The following RBFOX2 variants were observed in gnomAD, a reference collection of about 807,000 sequenced individuals.
The protein encoded by RBFOX2 is RNA binding fox-1 homolog 2.
A neutral mutation model predicts 49.1 loss-of-function variants in RBFOX2; 10 were observed. The observed-to-expected ratio is 0.20, with a 90% confidence interval of 0.13 to 0.35. The LOEUF (loss-of-function observed/expected upper bound fraction) is 0.35. Among genes scored for constraint, RBFOX2 ranks in the 10% least tolerant of loss-of-function variants. The pLI is 1.00. For missense variants in RBFOX2, 323 were observed against 486.9 expected (o/e 0.66, Z 3.17); for synonymous variants, 183 against 187.4 (o/e 0.98, Z 0.19).
At chr22:35,881,156 C>G (rs1036981699) in intron 1 of RBFOX2, among the ~76,000 whole-genome samples, 7 of 152,106 alleles carry the variant, frequency 4.6e-5, no homozygotes, top group African/African-American at 1.7e-4. Context: ...TCCAGCCACT[C>G]TGGAGGCTGA....
At chr22:35,801,887 T>C (rs1285107878) in intron 2 of RBFOX2, among the ~76,000 whole-genome samples, 2 of 152,248 alleles carry the variant, frequency 1.3e-5, no homozygotes, top group Middle Eastern at 3.4e-3. Flanking sequence ...AACCAGAGCA[T>C]CCTAAAAATT....
At chr22:35,794,494 T>C (rs1027456566) in intron 2 of RBFOX2, among the ~76,000 whole-genome samples, 1 of 151,962 alleles carries the variant, frequency 6.6e-6, no homozygotes, top group Non-Finnish European at 1.5e-5. Context: ...CAGTCTCTAC[T>C]AAAAATACAA....
At chr22:35,784,668 T>C (rs1035684617) in intron 2 of RBFOX2, among the ~76,000 whole-genome samples, 1 of 152,204 alleles carries the variant, frequency 6.6e-6, no homozygotes, top group African/African-American at 2.4e-5. Flanking sequence ...TCATCCTCCT[T>C]GTGGTTTTAG....
chr22:35,964,689 C>T (rs192918408), upstream of RBFOX2, among the ~76,000 whole-genome samples: 83 of 152,274 alleles, frequency 5.5e-4, no homozygotes, highest in South Asian at 7.3e-3. Context: ...AGAACCAGAG[C>T]ATTTCTTCAG....
chr22:35,949,357 A>G (rs564706510), intron 1 of RBFOX2, among the ~76,000 whole-genome samples: 2 of 152,202 alleles, frequency 1.3e-5, no homozygotes, highest in Non-Finnish European at 2.9e-5. Flanking sequence ...GGGTGTACAG[A>G]TATCTATTCA....
At chr22:35,958,008 A>G (rs2055779904) in intron 1 of RBFOX2, among the ~76,000 whole-genome samples, 1 of 152,234 alleles carries the variant, frequency 6.6e-6, no homozygotes, top group Non-Finnish European at 1.5e-5. Flanking sequence ...AAAGAAATAC[A>G]TTTCAAAGGA....
chr22:35,853,155 G>A (rs1220627016), intron 1 of RBFOX2, among the ~76,000 whole-genome samples: 14 of 151,658 alleles, frequency 9.2e-5, no homozygotes, highest in African/African-American at 2.2e-4. Flanking sequence ...TTAGCCGGGC[G>A]TGGTGGTGGG....
intron 1 of RBFOX2, among the ~76,000 whole-genome samples, chr22:35,930,388 G>A (rs1381586830): frequency 6.6e-6 from 1 of 151,826 alleles, no homozygotes; most frequent in East Asian, 1.9e-4. Context: ...GTAACTCCAA[G>A]GGAAACAAAT....
At chr22:36,016,498 T>C (rs1405706473) in intron 1 of RBFOX2, among the ~76,000 whole-genome samples, 1 of 152,044 alleles carries the variant, frequency 6.6e-6, no homozygotes, top group African/African-American at 2.4e-5. Context: ...ATCAACAATA[T>C]GCCTCCTCAA....
chr22:35,897,624 C>A (rs1239037636), intron 1 of RBFOX2: 2 of 1,367,098 alleles, frequency 1.5e-6, no homozygotes, highest in East Asian at 4.6e-5. Context: ...CAAAGGTTTT[C>A]CCATTGGCAT....
chr22:35,908,262 A>G (rs2049348516), intron 1 of RBFOX2, among the ~76,000 whole-genome samples: 1 of 152,238 alleles, frequency 6.6e-6, no homozygotes. Flanking sequence ...AAACCCAAAT[A>G]GAGAACAAAT....
At chr22:35,861,026 G>A (rs1482872839) in intron 1 of RBFOX2, among the ~76,000 whole-genome samples, 2 of 152,152 alleles carry the variant, frequency 1.3e-5, no homozygotes, top group Non-Finnish European at 2.9e-5. Context: ...ATAGATCAGT[G>A]AAACAGAATA....
intron 1 of RBFOX2, among the ~76,000 whole-genome samples, chr22:35,968,757 C>A (rs925080312): frequency 1.3e-5 from 2 of 152,134 alleles, no homozygotes; most frequent in African/African-American, 2.4e-5. Flanking sequence ...GTGTGGAAAA[C>A]AGACATAGTC....
intron 1 of RBFOX2, among the ~76,000 whole-genome samples, chr22:35,889,013 G>A (rs1206801729): frequency 6.6e-6 from 1 of 152,032 alleles, no homozygotes; most frequent in Non-Finnish European, 1.5e-5. Flanking sequence ...AAATTAGCTC[G>A]GCGTGGTGTG....
chr22:35,984,796 C>T (rs1464944143), intron 1 of RBFOX2, among the ~76,000 whole-genome samples: 2 of 152,180 alleles, frequency 1.3e-5, no homozygotes, highest in Non-Finnish European at 2.9e-5. Context: ...ACCCCAGTAT[C>T]TATGTCTGGA....
chr22:35,765,145 G>A (rs1175259909), intron 6 of RBFOX2, among the ~76,000 whole-genome samples: 1 of 150,528 alleles, frequency 6.6e-6, no homozygotes, highest in Non-Finnish European at 1.5e-5. Flanking sequence ...AGGTGCTCAG[G>A]TGGGATCCAA....
chr22:35,743,095 C>CT (rs1250290852), exon 12 of RBFOX2: 1 of 152,588 alleles, frequency 6.6e-6, no homozygotes, highest in Non-Finnish European at 1.5e-5. Flanking sequence ...ACCTGGTACT[C>CT]TATCTTTCCC....
chr22:35,750,752 A>C (rs764533407), intron 9 of RBFOX2, among the ~76,000 whole-genome samples: 5 of 152,252 alleles, frequency 3.3e-5, no homozygotes, highest in African/African-American at 7.2e-5. Flanking sequence ...CACAGCACTC[A>C]CATGTATGCT....
At chr22:35,748,325 C>T (rs1439384860) in intron 9 of RBFOX2, 2 of 152,172 alleles carry the variant, frequency 1.3e-5, no homozygotes, top group Non-Finnish European at 2.9e-5. Context: ...TTACCAAACA[C>T]TGACAATGAA....
Sources: gnomAD v4.1 joint callset for allele counts (sites outside exome capture counted in the v4.1 genomes callset) on GRCh38, gnomAD v4.1.1 for gene constraint, MANE v1.5 for transcripts, NCBI Gene and HGNC (gene_info 2026-07-23, HGNC 2026-07-21) for gene names.